Variants in ACKR2 observed in about 807,000 individuals in gnomAD.
The protein encoded by ACKR2 is C-C chemokine receptor D6.
For synonymous variants in ACKR2, 207 were observed against 192.2 expected, an observed-to-expected ratio of 1.08 and a Z score of -0.64; for missense variants, 457 against 477.3, an observed-to-expected ratio of 0.96 and a Z score of 0.40.
chr3:42,826,446 T>G (rs1429308800), intron 2 of ACKR2, among the ~76,000 whole-genome samples: 2 of 152,136 alleles, frequency 1.3e-5, no homozygotes, highest in Non-Finnish European at 2.9e-5. Context: ...TATAGGTCTA[T>G]TCAGATTTTC....
intron 2 of ACKR2, chr3:42,839,055 C>A (rs1313737875): frequency 6.6e-6 from 1 of 152,148 alleles, no homozygotes; most frequent in African/African-American, 2.4e-5. Context: ...CCCCATCACT[C>A]CCCTTTCTCA....
In ACKR2 at chr3:42,833,511, G is replaced by C. The variant is rs118175926; in HGVS notation, c.-38+13800G>C. Reference sequence around the variant, plus strand: ...CTATACAATTATTAATTATTAATGAGATATTTTACATTCCGTTATTTGTAC... The same window carrying C: ...CTATACAATTATTAATTATTAATGACATATTTTACATTCCGTTATTTGTAC... On this transcript the variant is annotated intron_variant, in intron 2 of 2. Transcript: ENST00000422265. 1.8e-3 allele frequency among the ~76,000 whole-genome samples: 269 copies of C among 152,134 alleles called. 2 individuals carry two copies. The highest frequency in any genetic ancestry group is 0.01 in the Middle Eastern group (3 of 294).
At chr3:42,851,736 G>A (rs1268262803) in intron 2 of ACKR2, among the ~76,000 whole-genome samples, 5 of 152,146 alleles carry the variant, frequency 3.3e-5, no homozygotes, top group Non-Finnish European at 2.9e-5. Flanking sequence ...CAACCTGGCT[G>A]GGGGAGCTCA....
At chr3:42,834,210 G>A (rs145282424) in intron 2 of ACKR2, among the ~76,000 whole-genome samples, 5,587 of 152,134 alleles carry the variant, frequency 0.037, 175 homozygotes, top group African/African-American at 0.082. Flanking sequence ...CACCTGCCTC[G>A]GCCTCCCAAA....
Position 42,824,561 on chromosome 3 carries a change from T to C in ACKR2, c.-38+4850T>C, listed in dbSNP as rs1277529084. On this transcript the variant is annotated intron_variant, in intron 2 of 2. Coordinates refer to ENST00000422265, the MANE Select transcript of ACKR2 (RefSeq NM_001296.5). ...ATCTATTTTGGGTATTTGCCTATTC[T>C]GGACATTTCATATAAATGGAATCGT... Among the ~76,000 whole-genome samples, 3 of 152,232 alleles carry C rather than the reference T, an allele frequency of 2.0e-5. No homozygotes were observed. The East Asian group carries it at 5.8e-4, about 29-fold the overall frequency.
intron 2 of ACKR2, among the ~76,000 whole-genome samples, chr3:42,821,161 A>G (rs1700806542): frequency 6.6e-6 from 1 of 152,162 alleles, no homozygotes; most frequent in Non-Finnish European, 1.5e-5. Flanking sequence ...TGGTGCTAAG[A>G]TTACAGGCGT....
chr3:42,827,859 C>T (rs1013249716), intron 2 of ACKR2, among the ~76,000 whole-genome samples: 2 of 152,058 alleles, frequency 1.3e-5, no homozygotes, highest in South Asian at 2.1e-4. Flanking sequence ...CACAGGGAGA[C>T]GCCCCCACAC....
intron 2 of ACKR2, among the ~76,000 whole-genome samples, chr3:42,826,283 G>A (rs1204647805): frequency 1.3e-5 from 2 of 152,092 alleles, no homozygotes; most frequent in Admixed American, 1.3e-4. Flanking sequence ...AATGAGTTGG[G>A]AAATGTTTCT....
chr3:42,830,258 T>C (rs1375843235), intron 2 of ACKR2, among the ~76,000 whole-genome samples: 2 of 152,162 alleles, frequency 1.3e-5, no homozygotes, highest in African/African-American at 4.8e-5. Flanking sequence ...TAGCCTCTGA[T>C]TGATAAGCAC....
chr3:42,861,765 A>G (rs1437191466), intron 2 of ACKR2, among the ~76,000 whole-genome samples: 1 of 152,212 alleles, frequency 6.6e-6, no homozygotes, highest in African/African-American at 2.4e-5. Context: ...GACAAAAACC[A>G]CATTATTTTC....
At position 42,816,759 on chromosome 3, in the gene ACKR2, C is replaced by T. The variant is rs554226332; in HGVS notation, c.-118-2872C>T. ...TTTTAGTAGAGACAGGGTTTCACCA[C>T]GTTGGCCAGGCTGGTCTCAAACTCC... is the stretch of plus-strand genomic sequence containing the variant. On this transcript the variant is annotated intron_variant, in intron 1 of 2. Transcript: ENST00000422265. 4.6e-5 allele frequency among the ~76,000 whole-genome samples: 7 copies of T among 151,970 alleles called. No individual in the cohort carries two copies. The South Asian group carries it at 1.2e-3, about 27-fold the overall frequency.
At chr3:42,826,372 C>T (rs139309521) in intron 2 of ACKR2, among the ~76,000 whole-genome samples, 1,980 of 152,164 alleles carry the variant, frequency 0.013, 141 homozygotes, top group Admixed American at 0.12. Context: ...CCAGTGAAGT[C>T]ATCTGGTTCT....
intron 2 of ACKR2, among the ~76,000 whole-genome samples, chr3:42,855,132 C>T (rs1277288510): frequency 5.9e-5 from 9 of 152,148 alleles, no homozygotes; most frequent in Non-Finnish European, 1.0e-4. Flanking sequence ...GCTGGAATTA[C>T]AAGCATGAGC....
intron 2 of ACKR2, among the ~76,000 whole-genome samples, chr3:42,831,102 G>A (rs753825455): frequency 1.3e-5 from 2 of 152,146 alleles, no homozygotes; most frequent in Non-Finnish European, 2.9e-5. Context: ...GATGGAGCCA[G>A]AGATTTGTGA....
At chr3:42,861,052 C>A (rs2125624786) in intron 2 of ACKR2, among the ~76,000 whole-genome samples, 1 of 152,092 alleles carries the variant, frequency 6.6e-6, no homozygotes, top group East Asian at 1.9e-4. Context: ...AAAAACCCTT[C>A]AAAAAATCAA....
At chr3:42,826,456 C>T (rs953138490) in intron 2 of ACKR2, among the ~76,000 whole-genome samples, 2 of 151,912 alleles carry the variant, frequency 1.3e-5, no homozygotes, top group Non-Finnish European at 2.9e-5. Context: ...TTCAGATTTT[C>T]TTTTTCCTCT....
intron 2 of ACKR2, among the ~76,000 whole-genome samples, chr3:42,834,879 A>T (rs1700971329): frequency 6.7e-6 from 1 of 148,480 alleles, no homozygotes. Flanking sequence ...GCCCGGGCAA[A>T]TTTTTTTTTT....
At chr3:42,810,658 C>A (rs1700686078) in intron 1 of ACKR2, among the ~76,000 whole-genome samples, 1 of 152,156 alleles carries the variant, frequency 6.6e-6, no homozygotes, top group Non-Finnish European at 1.5e-5. Context: ...TACGACCCGA[C>A]CACTACCAAT....
At chr3:42,819,584 C>A (rs1322099546) in intron 1 of ACKR2, 47 bp from the exon 2 acceptor site, 2 of 152,360 alleles carry the variant, frequency 1.3e-5, no homozygotes, top group African/African-American at 2.4e-5. Context: ...GTTACAACCC[C>A]CCTGGCGGCA....
Sources: gnomAD v4.1 joint callset for allele counts (sites outside exome capture counted in the v4.1 genomes callset) on GRCh38, gnomAD v4.1.1 for gene constraint, MANE v1.5 for transcripts, NCBI Gene and HGNC (gene_info 2026-07-23, HGNC 2026-07-21) for gene names.